RFC1: variants seen among roughly 807,000 people sequenced by gnomAD.
RFC1 encodes replication factor C subunit 1, also known as A1 140 kDa subunit.
RFC1 carries 37 observed loss-of-function variants against 137.4 expected under a neutral mutation model. The observed-to-expected ratio is 0.27, with a 90% CI of 0.21 to 0.35. The LOEUF (loss-of-function observed/expected upper bound fraction) is 0.35. RFC1 is among the 10% of genes least tolerant of loss of function. RFC1 has a pLI of 1.00. For synonymous variants in RFC1, 429 were observed against 455.7 expected (o/e 0.94, Z 0.75); for missense variants, 1,205 against 1,358.5 (o/e 0.89, Z 1.78).
In RFC1 at chr4:39,320,495, C is replaced by G. The variant is rs1057394361; in HGVS notation, c.983G>C (p.Ser328Thr). Residue 328 changes from serine (S) to threonine (T), a missense_variant, in exon 9 of 25, where the codon AGC (serine) becomes ACC (threonine). By Grantham distance (58) the Ser-to-Thr change is moderately conservative. This residue lies in a region of RFC1 where 962 missense variants were observed against 1,035.3 expected (regional missense o/e 0.93). Coordinates refer to ENST00000349703, the MANE Select transcript of RFC1 (RefSeq NM_002913.5). ...CACAGGCTCTATTTCTTTATAAGAG[C>G]TCTCTTCTTTTCTTTTCATAATTGC... ...KLAIMKRKEE[S>T]SYKEIEPVAS... 4 of 1,610,356 alleles carry G rather than the reference C, an allele frequency of 2.5e-6. No individual in the cohort carries two copies. The Admixed American group carries it at 5.1e-5, about 20-fold the overall frequency.
rs1360400460 is a variant in RFC1, at chr4:39,289,890, A to T, written c.3318T>A (p.Asp1106Glu). 6.2e-7 allele frequency: 1 copy of T among 1,612,852 alleles called. No homozygotes were observed. The highest frequency in any genetic ancestry group is 8.5e-7 in the Non-Finnish European group (1 of 1,178,982). ...EELNEDDSQS[D>E]EKDQDAIETD... ...TTTCTATAGCATCTTGGTCTTTCTC[A>T]TCAGATTGAGAGTCATCTTCATTTA... Residue 1106 changes from aspartate (D) to glutamate (E), a missense_variant, in exon 24 of 25, where the codon GAT (aspartate) becomes GAA (glutamate). Asp to Glu is a conservative substitution (Grantham distance 45). Around this residue, in one of 3 missense-constraint regions of RFC1, gnomAD observed 237 missense variants for 304.2 expected, o/e 0.78. Coordinates refer to ENST00000349703, the MANE Select transcript of RFC1 (RefSeq NM_002913.5).
intron 10 of RFC1, among the ~76,000 whole-genome samples, chr4:39,314,069 T>C (rs1305916340): frequency 2.6e-4 from 39 of 152,228 alleles, no homozygotes; most frequent in Non-Finnish European, 4.4e-5. Flanking sequence ...AAACTTAAAA[T>C]GGGCTTGAAA....
At chr4:39,330,904 T>C (rs1375338599) in intron 4 of RFC1, among the ~76,000 whole-genome samples, 5 of 151,790 alleles carry the variant, frequency 3.3e-5, no homozygotes, top group South Asian at 2.1e-4. Context: ...CATATATATA[T>C]ATACACACAC....
intron 12 of RFC1, among the ~76,000 whole-genome samples, chr4:39,309,835 TA>T (rs1407079520): frequency 6.6e-6 from 1 of 152,204 alleles, no homozygotes. Flanking sequence ...TCTCAGTTTT[TA>T]AAAAAATTAG....
chr4:39,344,605 T>A (rs1379059616), intron 3 of RFC1, among the ~76,000 whole-genome samples: 1 of 152,128 alleles, frequency 6.6e-6, no homozygotes, highest in African/African-American at 2.4e-5. Context: ...CTACTAAAAT[T>A]ATAAAATTTC....
rs1737686404 is a variant in RFC1 at position 39,291,700 on chromosome 4, T to C, written c.3107A>G (p.Asn1036Ser). 2 of 1,614,138 alleles carry C rather than the reference T, an allele frequency of 1.2e-6. No homozygotes were observed. The highest frequency in any genetic ancestry group is 8.5e-7 in the Non-Finnish European group (1 of 1,180,008). ...TYYLMKEDFE[N>S]IMEISSWGGK... ...ACCCCAGCTGCTGATTTCCATGATA[T>C]TCTCAAAGTCTTCTTTCATCAAATA... is the stretch of plus-strand genomic sequence containing the variant. Residue 1036 changes from asparagine (N) to serine (S), a missense_variant, in exon 23 of 25, where the codon AAT becomes AGT. By Grantham distance (46) the Asn-to-Ser change is conservative. Around this residue, in one of 3 missense-constraint regions of RFC1, gnomAD observed 237 missense variants for 304.2 expected, o/e 0.78. Coordinates refer to ENST00000349703, the MANE Select transcript of RFC1 (RefSeq NM_002913.5).
In RFC1 at chr4:39,306,622, G is replaced by A; in HGVS notation, c.1965C>T (p.Gly655=). 1 of 1,611,412 alleles carries A rather than the reference G, an allele frequency of 6.2e-7. No homozygotes were observed. Among genetic ancestry groups the A allele is most frequent in the Non-Finnish European group, 8.5e-7 (1 of 1,177,548 alleles). The change falls in exon 14 of 25, where the codon GGC becomes GGT. Residue 655 remains glycine, a synonymous_variant. Coordinates refer to ENST00000349703, the MANE Select transcript of RFC1 (RefSeq NM_002913.5). The part of the protein sequence containing the change: ...AALLSGPPGV[G]KTTTASLVCQ... ...ACACCAGGGAAGCTGTGGTGGTTTT[G>A]CCAACACCAGGAGGGCCTGACAGCA...
intron 1 of RFC1, among the ~76,000 whole-genome samples, chr4:39,360,648 T>C (rs2109781041): frequency 6.6e-6 from 1 of 152,078 alleles, no homozygotes; most frequent in South Asian, 2.1e-4. Context: ...GGCAGGAGAA[T>C]TGCTTGAACC....
In RFC1 at chr4:39,343,675, C is replaced by G. The variant is rs910583793; in HGVS notation, c.209-1208G>C. On this transcript the variant is annotated intron_variant, in intron 3 of 24. Coordinates refer to ENST00000349703, the MANE Select transcript of RFC1 (RefSeq NM_002913.5). ...AAACAAAACTCCTGAGGAAGAGGAACGCGTACTTCTTTCAAATTCTTTACA... is the reference window on the plus strand; with the variant it reads ...AAACAAAACTCCTGAGGAAGAGGAAGGCGTACTTCTTTCAAATTCTTTACA... Among the ~76,000 whole-genome samples, 5 of 152,184 alleles carry G rather than the reference C, an allele frequency of 3.3e-5. No homozygotes were observed. In the East Asian group the frequency reaches 9.6e-4, roughly 29 times the overall value.
At chr4:39,294,958 G>C (rs1004503651) in intron 22 of RFC1, among the ~76,000 whole-genome samples, 1 of 151,900 alleles carries the variant, frequency 6.6e-6, no homozygotes, top group East Asian at 1.9e-4. Flanking sequence ...AGCAGAGATC[G>C]CATCACTGCA....
At chr4:39,345,914 A>C (rs1268706614) in intron 2 of RFC1, among the ~76,000 whole-genome samples, 1 of 152,218 alleles carries the variant, frequency 6.6e-6, no homozygotes, top group Non-Finnish European at 1.5e-5. Context: ...AGTCCTCCAC[A>C]ACAAAGAATT....
chr4:39,342,809 T>TTA (rs1340452128), intron 3 of RFC1, among the ~76,000 whole-genome samples: 1 of 152,186 alleles, frequency 6.6e-6, no homozygotes, highest in Non-Finnish European at 1.5e-5. Flanking sequence ...AGAAAGAATT[T>TTA]TATTTGCCTT....
intron 4 of RFC1, among the ~76,000 whole-genome samples, chr4:39,334,757 T>C (rs1351700363): frequency 6.6e-6 from 1 of 152,196 alleles, no homozygotes; most frequent in East Asian, 1.9e-4. Flanking sequence ...CTAGGATATC[T>C]GTCTTCTTGT....
chr4:39,317,416 G>A (rs1032772014), intron 9 of RFC1, among the ~76,000 whole-genome samples: 1 of 152,134 alleles, frequency 6.6e-6, no homozygotes, highest in Admixed American at 6.5e-5. Flanking sequence ...CTGATCGCCC[G>A]AGAAGATATT....
chr4:39,344,782 C>T (rs1240331077), intron 3 of RFC1, among the ~76,000 whole-genome samples: 5 of 152,000 alleles, frequency 3.3e-5, no homozygotes, highest in African/African-American at 1.2e-4. Flanking sequence ...AAGACTGTCT[C>T]TAAATAAATT....
chr4:39,334,187 G>A (rs1740244599), intron 4 of RFC1, among the ~76,000 whole-genome samples: 1 of 151,898 alleles, frequency 6.6e-6, no homozygotes. Flanking sequence ...CCTAAGCATT[G>A]AGATATTTCT....
chr4:39,355,195 G>A (rs2109767538), intron 1 of RFC1, among the ~76,000 whole-genome samples: 1 of 148,914 alleles, frequency 6.7e-6, no homozygotes, highest in Admixed American at 6.7e-5. Context: ...GGCCAAGGCG[G>A]GAGGATCATT....
intron 18 of RFC1, 47 bp downstream of exon 18, chr4:39,302,453 T>C: frequency 6.7e-7 from 1 of 1,502,846 alleles, no homozygotes; most frequent in African/African-American, 1.4e-5. Flanking sequence ...TTGAAAGCAT[T>C]AGTTAAAAAT....
intron 1 of RFC1, among the ~76,000 whole-genome samples, chr4:39,363,291 C>T (rs1161255057): frequency 6.6e-6 from 1 of 151,976 alleles, no homozygotes; most frequent in Non-Finnish European, 1.5e-5. Context: ...TATTTATTTA[C>T]GTGGTTCAAA....
Sources: allele counts gnomAD v4.1 joint callset (sites outside exome capture counted in the v4.1 genomes callset), GRCh38; gene constraint gnomAD v4.1.1; regional missense constraint gnomAD v4.1.1; transcripts MANE v1.5; gene names NCBI Gene and HGNC (gene_info 2026-07-23, HGNC 2026-07-21).